Variants in LIMA1 observed in about 807,000 individuals in gnomAD.
LIMA1 encodes LIM domain and actin binding 1.
In LIMA1, 52 loss-of-function variants were observed where a neutral mutation model predicts 62.6. That is an observed-to-expected ratio of 0.83 (90% CI 0.67 to 1.05). The LOEUF is 1.05. Ranked by LOEUF, LIMA1 falls within the 50% of genes least tolerant of loss-of-function variation. LIMA1 has a pLI of 0.00. For missense variants in LIMA1, 780 were observed against 902.2 expected, an observed-to-expected ratio of 0.86 and a Z score of 1.74; for synonymous variants, 302 against 317.8, an observed-to-expected ratio of 0.95 and a Z score of 0.53.
intron 1 of LIMA1, among the ~76,000 whole-genome samples, chr12:50,274,182 G>A (rs758356772): frequency 6.6e-6 from 1 of 152,156 alleles, no homozygotes; most frequent in African/African-American, 2.4e-5. Context: ...AACAAGACTT[G>A]TCCAAATGAA....
intron 1 of LIMA1, among the ~76,000 whole-genome samples, chr12:50,253,869 A>G (rs1029698642): frequency 6.6e-6 from 1 of 151,590 alleles, no homozygotes; most frequent in Non-Finnish European, 1.5e-5. Flanking sequence ...TTTACTAAAC[A>G]TACAAAAAAT....
chr12:50,270,867 C>T (rs753381104), intron 1 of LIMA1, among the ~76,000 whole-genome samples: 3 of 150,256 alleles, frequency 2.0e-5, no homozygotes, highest in Non-Finnish European at 3.0e-5. Flanking sequence ...CCGAGGTGGG[C>T]GGATGACGAG....
At chr12:50,180,801 G>C (rs1940481884) in intron 10 of LIMA1, among the ~76,000 whole-genome samples, 1 of 152,026 alleles carries the variant, frequency 6.6e-6, no homozygotes, top group Admixed American at 6.6e-5. Context: ...TAAAACGGCA[G>C]CACTTCCACA....
chr12:50,220,783 A>T (rs1941427308), intron 4 of LIMA1, among the ~76,000 whole-genome samples: 1 of 152,258 alleles, frequency 6.6e-6, no homozygotes, highest in Non-Finnish European at 1.5e-5. Flanking sequence ...GCAGGACTAA[A>T]GGTCTAAAAA....
At chr12:50,232,931 G>A (rs1444582761) in intron 2 of LIMA1, among the ~76,000 whole-genome samples, 3 of 152,238 alleles carry the variant, frequency 2.0e-5, no homozygotes, top group Non-Finnish European at 2.9e-5. Context: ...AGGTTGCAGT[G>A]AGCTGAGATC....
At chr12:50,194,066 C>T (rs1198239720) in intron 8 of LIMA1, among the ~76,000 whole-genome samples, 3 of 150,966 alleles carry the variant, frequency 2.0e-5, no homozygotes, top group African/African-American at 4.9e-5. Flanking sequence ...CAGCTCACTG[C>T]AGCCTCCACC....
intron 1 of LIMA1, among the ~76,000 whole-genome samples, chr12:50,254,594 G>A (rs901753230): frequency 6.6e-6 from 1 of 152,128 alleles, no homozygotes; most frequent in Non-Finnish European, 1.5e-5. Context: ...AAGATCTCTC[G>A]AACAAAGGTC....
rs1304280064 is a variant in LIMA1, at chr12:50,181,985, T to TAG, written c.1191_1192dup (p.Tyr398SerfsTer30). On this transcript the variant is annotated frameshift_variant, in exon 10 of 11. Transcript: ENST00000341247. LOFTEE classifies it high-confidence loss of function. ...GTTGGCCAAGAGACGCTCCATTGGA[T>TAG]AGACTGTCTTCTGACATTCCACGCA... The TAG allele has an allele frequency of 6.2e-7, 1 of 1,613,322 alleles. No individual in the cohort carries two copies. The highest frequency in any genetic ancestry group is 8.5e-7 in the Non-Finnish European group (1 of 1,180,038).
At chr12:50,222,545 T>A (rs1373239728) in intron 3 of LIMA1, 60 bp from the exon 4 acceptor site, 2 of 1,610,524 alleles carry the variant, frequency 1.2e-6, no homozygotes, top group Admixed American at 1.7e-5. Context: ...TCAAACATGT[T>A]GTTCTTTGTA....
intron 1 of LIMA1, among the ~76,000 whole-genome samples, chr12:50,279,930 G>A (rs1003020662): frequency 2.0e-5 from 3 of 152,006 alleles, no homozygotes; most frequent in Non-Finnish European, 2.9e-5. Context: ...TAAGTAAAGC[G>A]GATATTGGGA....
chr12:50,217,749 T>G, intron 4 of LIMA1: 1 of 330,372 alleles, frequency 3.0e-6, no homozygotes, highest in Non-Finnish European at 6.0e-6. Flanking sequence ...TGACCTTGAT[T>G]CCTGACTACC....
At chr12:50,231,019 A>AT (rs1941604099) in intron 3 of LIMA1, among the ~76,000 whole-genome samples, 1 of 152,220 alleles carries the variant, frequency 6.6e-6, no homozygotes, top group Non-Finnish European at 1.5e-5. Context: ...TGCCAGGAGG[A>AT]TGTTTTTGTA....
chr12:50,229,644 G>A (rs995684754), intron 3 of LIMA1: 3 of 152,090 alleles, frequency 2.0e-5, no homozygotes. Context: ...GTATACATAT[G>A]TAACAAACCT....
chr12:50,192,624 T>G, intron 8 of LIMA1, 63 bp from the exon 9 acceptor site: 1 of 1,291,222 alleles, frequency 7.7e-7, no homozygotes, highest in Non-Finnish European at 1.1e-6. Flanking sequence ...GAAAGTGTTC[T>G]TCCGAAAAGC....
intron 2 of LIMA1, 77 bp from the exon 3 acceptor site, chr12:50,231,787 G>A: frequency 2.1e-6 from 3 of 1,418,696 alleles, no homozygotes; most frequent in Middle Eastern, 1.8e-4. Context: ...CTTTTTTTGA[G>A]ATGAAGTCTC....
At chr12:50,231,635 C>A in intron 3 of LIMA1, 30 bp downstream of exon 3, 3 of 1,610,406 alleles carry the variant, frequency 1.9e-6, no homozygotes, top group Non-Finnish European at 2.5e-6. Context: ...TCAAGAAGTG[C>A]CACATGCCCT....
At chr12:50,203,008 CT>C (rs11292692) in intron 6 of LIMA1, among the ~76,000 whole-genome samples, 34,024 of 121,194 alleles carry the variant, frequency 0.28, 2,894 homozygotes, top group South Asian at 0.38. Context: ...AGGTAACTTC[CT>C]TTTTTTTTTT....
chr12:50,202,387 T>A (rs1449739401), intron 6 of LIMA1, among the ~76,000 whole-genome samples: 2 of 151,308 alleles, frequency 1.3e-5, no homozygotes, highest in Non-Finnish European at 2.9e-5. Context: ...TGGTTAGGAG[T>A]TAAAAAAAAA....
chr12:50,227,270 GCT>G lies in LIMA1; in HGVS notation c.165+4393_165+4394del, dbSNP rs1941546001. Among the ~76,000 whole-genome samples, 3 of 107,552 alleles carry G rather than the reference GCT, an allele frequency of 2.8e-5. No individual in the cohort carries two copies. The South Asian group carries it at 9.5e-4, about 34-fold the overall frequency. The allele number at this position is 107,552 out of a possible 152,430, so 70.6% of individuals were successfully genotyped here. On this transcript the variant is annotated intron_variant, in intron 3 of 10. Transcript: ENST00000341247. Reference sequence around the variant, plus strand: ...TTTTTTTTTTTTGAGATGGAGTCTTGCTCTGTCACCCAGGCTGGAGTGCAGTG... The same window carrying G: ...TTTTTTTTTTTTGAGATGGAGTCTTGCTGTCACCCAGGCTGGAGTGCAGTG...
Sources: allele counts gnomAD v4.1 joint callset (sites outside exome capture counted in the v4.1 genomes callset), GRCh38; gene constraint gnomAD v4.1.1; transcripts MANE v1.5; gene names NCBI Gene and HGNC (gene_info 2026-07-23, HGNC 2026-07-21).